TMPRSS9: variants seen among roughly 807,000 people sequenced by gnomAD.
TMPRSS9 encodes the protein transmembrane serine protease 9, also known as transmembrane protease serine 9.
A neutral mutation model predicts 111.4 loss-of-function variants in TMPRSS9; 113 were observed. That is an observed-to-expected ratio of 1.01 (90% CI 0.87 to 1.19). The LOEUF is 1.19. Ranked by LOEUF, TMPRSS9 falls within the 50% of genes most tolerant of loss-of-function variation. TMPRSS9 has a pLI of 0.00. For synonymous variants in TMPRSS9, 805 were observed against 659.1 expected (o/e 1.22, Z -3.39); for missense variants, 1,803 against 1,513.1 (o/e 1.19, Z -3.18).
intron 9 of TMPRSS9, among the ~76,000 whole-genome samples, chr19:2,411,463 T>C (rs982606842): frequency 4.1e-5 from 6 of 144,688 alleles, no homozygotes; most frequent in African/African-American, 1.5e-4. Flanking sequence ...AGTGGTGTGA[T>C]CTCAGCTCAC....
At chr19:2,387,101 A>T (rs544493360), upstream of TMPRSS9, among the ~76,000 whole-genome samples, 3 of 148,312 alleles carry the variant, frequency 2.0e-5, no homozygotes, top group Non-Finnish European at 3.0e-5. Flanking sequence ...TCACGCCTGT[A>T]ATCCCAGCAC....
upstream of TMPRSS9, among the ~76,000 whole-genome samples, chr19:2,385,173 G>GGGGGGGGCGGGGCTCGC (rs1568172942): frequency 4.2e-5 from 5 of 119,280 alleles, no homozygotes; most frequent in African/African-American, 1.6e-4. Flanking sequence ...CGGGGCTCGC[G>GGGGGGGGCGGGGCTCGC]GGGGGCGGGG....
At chr19:2,405,248 A>C in intron 6 of TMPRSS9, 126 bp from the exon 8 acceptor site, 13 of 1,250,630 alleles carry the variant, frequency 1.0e-5, no homozygotes, top group South Asian at 1.7e-5. Context: ...GAAGCCAAGG[A>C]GGGGCCCCCA....
At chr19:2,418,345 CTT>C (rs1568189498) in intron 13 of TMPRSS9, among the ~76,000 whole-genome samples, 39 of 44,846 alleles carry the variant, frequency 8.7e-4, no homozygotes, top group East Asian at 7.0e-3. Context: ...CCTTCCCTCC[CTT>C]TCCCTCCCTC....
exon 18 of TMPRSS9, chr19:2,425,931 A>G: frequency 1.9e-6 from 3 of 1,593,090 alleles, no homozygotes; most frequent in Non-Finnish European, 2.6e-6. Flanking sequence ...CAACAGGGTG[A>G]CGCTGGGGGA....
In TMPRSS9 at chr19:2,422,282, A is replaced by AG. The variant is rs766163891; in HGVS notation, c.2548+38dup. 41 of 1,491,830 alleles carry AG rather than the reference A, an allele frequency of 2.7e-5. 1 individual carries two copies. The South Asian group carries it at 5.3e-4, about 19-fold the overall frequency. The allele number at this position is 1,491,830 out of a possible 1,614,324, so 92.4% of individuals were successfully genotyped here. ...GAGACGGAGGGATCCCTGGGAGTGG[A>AG]GGGTCCCATGTTAATCAGCCTGGGC... On this transcript the variant is annotated intron_variant, in intron 14 of 17. Transcript: ENST00000648592.
chr19:2,372,221 C>T (rs933902395), intron 1 of TMPRSS9, among the ~76,000 whole-genome samples: 2 of 152,128 alleles, frequency 1.3e-5, no homozygotes, highest in South Asian at 2.1e-4. Context: ...CCATTCTTCT[C>T]GAAGCTTTTT....
chr19:2,425,063 G>A (rs1346530028), exon 16 of TMPRSS9: 11 of 1,570,754 alleles, frequency 7.0e-6, no homozygotes, highest in South Asian at 2.3e-5. Context: ...CGGCGCGGAG[G>A]GGCAGCTGGA....
At chr19:2,381,823 T>TATTCATTC (rs111934318) in intron 1 of TMPRSS9, among the ~76,000 whole-genome samples, 4,688 of 129,786 alleles carry the variant, frequency 0.036, 247 homozygotes, top group African/African-American at 0.14. Flanking sequence ...TTCAGATATG[T>TATTCATTC]ATTCATTCAT....
In TMPRSS9 at chr19:2,395,377, G is replaced by A. The variant is rs1006295800; in HGVS notation, c.143-1162G>A. ...GAACCCGGGAGATGGAGGTTGCAGCGAGCTGAGAAAACACCACTGCACTCC... is the reference window on the plus strand; with the variant it reads ...GAACCCGGGAGATGGAGGTTGCAGCAAGCTGAGAAAACACCACTGCACTCC... On this transcript the variant is annotated intron_variant, in intron 1 of 17. Transcript: ENST00000648592. Among the ~76,000 whole-genome samples the A allele has an allele frequency of 2.0e-5, 3 of 152,096 alleles. No homozygotes were observed. The East Asian group carries it at 5.8e-4, about 29-fold the overall frequency.
intron 4 of TMPRSS9, among the ~76,000 whole-genome samples, chr19:2,399,937 C>T (rs1020615760): frequency 5.3e-5 from 8 of 152,130 alleles, no homozygotes; most frequent in Non-Finnish European, 1.0e-4. Context: ...ACCATGTGTA[C>T]TGGGCTGGTC....
At chr19:2,361,325 G>A (rs1261207968) in intron 1 of TMPRSS9, among the ~76,000 whole-genome samples, 1 of 121,322 alleles carries the variant, frequency 8.2e-6, no homozygotes, top group Non-Finnish European at 1.8e-5. Context: ...GGTTGGTGGG[G>A]TGGGGTGCGG....
At chr19:2,381,376 G>C (rs997335183) in intron 1 of TMPRSS9, among the ~76,000 whole-genome samples, 1 of 151,752 alleles carries the variant, frequency 6.6e-6, no homozygotes, top group Non-Finnish European at 1.5e-5. Flanking sequence ...GTGTGTGTGT[G>C]TGTTGGGGAG....
At chr19:2,369,562 C>G (rs928151242) in intron 1 of TMPRSS9, among the ~76,000 whole-genome samples, 5 of 150,440 alleles carry the variant, frequency 3.3e-5, no homozygotes, top group Non-Finnish European at 5.9e-5. Context: ...GTAGCTGGGA[C>G]TACAGGTGTG....
chr19:2,362,963 G>GT (rs35794735), intron 1 of TMPRSS9, among the ~76,000 whole-genome samples: 3 of 78,536 alleles, frequency 3.8e-5, no homozygotes, highest in East Asian at 4.1e-4. Flanking sequence ...GTGAGGTTGT[G>GT]GTTGTGTGTG....
At chr19:2,370,466 A>C (rs567249094) in intron 1 of TMPRSS9, among the ~76,000 whole-genome samples, 1 of 149,016 alleles carries the variant, frequency 6.7e-6, no homozygotes, top group Admixed American at 6.7e-5. Context: ...CAGATGTCCC[A>C]GGTTGCAGGC....
At chr19:2,426,029 G>A (rs200896547) in exon 18 of TMPRSS9, 2 of 1,608,790 alleles carry the variant, frequency 1.2e-6, no homozygotes, top group East Asian at 2.2e-5. Flanking sequence ...CCACTTCCCA[G>A]GTGTCTATAC....
chr19:2,374,863 C>T (rs1342897890), intron 1 of TMPRSS9, among the ~76,000 whole-genome samples: 2 of 152,168 alleles, frequency 1.3e-5, no homozygotes, highest in African/African-American at 2.4e-5. Flanking sequence ...AGGGGAAGAG[C>T]GTTTCCTTTA....
intron 15 of TMPRSS9, among the ~76,000 whole-genome samples, 176 bp from the exon 17 acceptor site, chr19:2,424,826 C>T (rs1157666568): frequency 6.6e-6 from 1 of 152,116 alleles, no homozygotes. Flanking sequence ...GCTGCAGTTC[C>T]CGGTGCCGCC....
Sources: allele counts gnomAD v4.1 joint callset (sites outside exome capture counted in the v4.1 genomes callset), GRCh38; gene constraint gnomAD v4.1.1; transcripts MANE v1.5; gene names NCBI Gene and HGNC (gene_info 2026-07-23, HGNC 2026-07-21).